Variants in SYN2 observed in about 807,000 individuals in gnomAD.
SYN2 encodes synapsin-2.
A neutral mutation model predicts 50.9 loss-of-function variants in SYN2; 19 were observed. The ratio of observed to expected loss-of-function variants is 0.37; its 90% CI spans 0.26 to 0.55. The LOEUF (loss-of-function observed/expected upper bound fraction) is 0.55. SYN2 is among the 20% of genes least tolerant of loss of function. The pLI, the probability that SYN2 is intolerant of heterozygous loss-of-function variation, is 0.81. For synonymous variants in SYN2, 255 were observed against 224.9 expected (o/e 1.13, Z -1.20); for missense variants, 587 against 576.4 (o/e 1.02, Z -0.19).
chr3:12,158,695 G>A, intron 5 of SYN2: 2 of 1,610,036 alleles, frequency 1.2e-6, no homozygotes, highest in Non-Finnish European at 1.7e-6. Flanking sequence ...GCGGACCTCG[G>A]ACTCACCAAG....
chr3:12,008,770 G>A (rs1559384133), intron 1 of SYN2, among the ~76,000 whole-genome samples: 1 of 152,200 alleles, frequency 6.6e-6, no homozygotes, highest in Non-Finnish European at 1.5e-5. Flanking sequence ...GAGTGGGAAT[G>A]GAAGGTTTCT....
intron 9 of SYN2, 93 bp from the exon 10 acceptor site, chr3:12,169,664 C>G: frequency 2.1e-6 from 3 of 1,440,306 alleles, no homozygotes; most frequent in Non-Finnish European, 1.9e-6. Flanking sequence ...CAGTCCATCT[C>G]TGCTGGCTTA....
At chr3:12,040,139 G>A (rs1400029278) in intron 1 of SYN2, among the ~76,000 whole-genome samples, 1 of 152,168 alleles carries the variant, frequency 6.6e-6, no homozygotes, top group Admixed American at 6.5e-5. Context: ...TGGATTTTCA[G>A]CACTTGTTGG....
At chr3:12,048,863 T>A (rs56114225) in intron 1 of SYN2, among the ~76,000 whole-genome samples, 13,779 of 152,228 alleles carry the variant, frequency 0.091, 2,050 homozygotes, top group African/African-American at 0.31. Context: ...ATAATCACTG[T>A]ACTGGAATTG....
At chr3:12,044,922 A>G (rs1034499627) in intron 1 of SYN2, among the ~76,000 whole-genome samples, 3 of 152,230 alleles carry the variant, frequency 2.0e-5, no homozygotes, top group African/African-American at 7.2e-5. Context: ...ATTACCTGAA[A>G]TAATAGGTAC....
chr3:12,169,961 C>T, intron 10 of SYN2, 55 bp downstream of exon 10: 10 of 1,534,156 alleles, frequency 6.5e-6, no homozygotes, highest in South Asian at 1.2e-5. Flanking sequence ...AAGCCCACTC[C>T]TCTAGATGTT....
Position 12,004,596 on chromosome 3 carries a change from C to A in SYN2, c.45C>A (p.Ile15=). 1 of 665,306 alleles carries A rather than the reference C, an allele frequency of 1.5e-6. No homozygotes were observed. The highest frequency in any genetic ancestry group is 2.8e-6 in the Non-Finnish European group (1 of 357,464). The allele number at this position is 665,306 out of a possible 1,614,324, so 41.2% of individuals were successfully genotyped here. The change falls in exon 1 of 13, where the codon ATC becomes ATA. Residue 15 remains isoleucine, a synonymous_variant. Coordinates refer to ENST00000621198, the MANE Select transcript of SYN2 (RefSeq NM_133625.6). The part of the protein sequence containing the change: ...LRRRLSDSSF[I]ANLPNGYMTD... Reference sequence around the variant, plus strand: ...GCCGGCTGTCGGACAGCAGCTTCATCGCCAACCTGCCCAACGGCTACATGA... The same window carrying A: ...GCCGGCTGTCGGACAGCAGCTTCATAGCCAACCTGCCCAACGGCTACATGA...
At chr3:12,036,015 C>T (rs1204023804) in intron 1 of SYN2, among the ~76,000 whole-genome samples, 1 of 152,184 alleles carries the variant, frequency 6.6e-6, no homozygotes, top group Non-Finnish European at 1.5e-5. Flanking sequence ...CTATTACTGC[C>T]TTCTTGTTTA....
rs1155381 is a variant in SYN2, at chr3:12,138,704, G to A, written c.378-1947G>A. On this transcript the variant is annotated intron_variant, in intron 1 of 12. Coordinates refer to ENST00000621198, the MANE Select transcript of SYN2 (RefSeq NM_133625.6). ...GCTTTGCAAATGCAAGGCATCATAC[G>A]AAATGCGAGGTTATTGTTAATGTCT... Among the ~76,000 whole-genome samples the A allele has an allele frequency of 2.1e-3, 318 of 152,350 alleles. 1 individual carries two copies. Among genetic ancestry groups the A allele is most frequent in the African/African-American group, 6.5e-3 (269 of 41,584 alleles).
Position 12,085,361 on chromosome 3 carries a change from A to ACGCACG in SYN2, c.378-55289_378-55288insGCACGC, listed in dbSNP as rs1464317241. On this transcript the variant is annotated intron_variant, in intron 1 of 12. Coordinates refer to ENST00000621198, the MANE Select transcript of SYN2 (RefSeq NM_133625.6). ...TATGATTGTTATGGAATACACACAC[A>ACGCACG]CACACACACACACACACACGCACGC... 6.0e-5 allele frequency among the ~76,000 whole-genome samples: 7 copies of ACGCACG among 116,050 alleles called. No homozygotes were observed. The East Asian group carries it at 1.0e-3, about 17-fold the overall frequency. 76.1% of individuals were successfully genotyped at this position (116,050 alleles called of 152,430 possible). A position where few individuals can be genotyped will look rare whatever the true frequency, so the allele number is the denominator to read the frequency against.
chr3:12,099,572 A>G (rs944022367), intron 1 of SYN2, among the ~76,000 whole-genome samples: 4 of 152,192 alleles, frequency 2.6e-5, no homozygotes, highest in Non-Finnish European at 5.9e-5. Flanking sequence ...ATTTATAGCT[A>G]TACTTGCCTA....
At chr3:12,066,070 T>C (rs1695211488) in intron 1 of SYN2, among the ~76,000 whole-genome samples, 1 of 152,114 alleles carries the variant, frequency 6.6e-6, no homozygotes, top group Non-Finnish European at 1.5e-5. Context: ...TAGATAGTGG[T>C]AAATATACTA....
At chr3:12,137,587 A>G (rs1350451616) in intron 1 of SYN2, among the ~76,000 whole-genome samples, 2 of 152,254 alleles carry the variant, frequency 1.3e-5, no homozygotes, top group Admixed American at 1.3e-4. Context: ...ATACATGTTT[A>G]CCAATAAAAT....
intron 4 of SYN2, among the ~76,000 whole-genome samples, chr3:12,150,763 T>G (rs193066300): frequency 1.3e-5 from 2 of 152,314 alleles, no homozygotes; most frequent in East Asian, 1.9e-4. Context: ...TCCATACTGC[T>G]TACTGGAAAA....
intron 1 of SYN2, among the ~76,000 whole-genome samples, chr3:12,057,834 G>C (rs1157450740): frequency 6.6e-6 from 1 of 152,126 alleles, no homozygotes; most frequent in Admixed American, 6.5e-5. Context: ...AGTAGAATTG[G>C]TTCTATAATT....
intron 1 of SYN2, among the ~76,000 whole-genome samples, chr3:12,137,180 C>T (rs756293864): frequency 6.7e-6 from 1 of 149,458 alleles, no homozygotes; most frequent in African/African-American, 2.5e-5. Flanking sequence ...CTCAGGCAGT[C>T]GAGGCTACAG....
intron 1 of SYN2, among the ~76,000 whole-genome samples, chr3:12,019,913 A>G (rs1360383668): frequency 1.3e-5 from 2 of 152,214 alleles, no homozygotes; most frequent in Non-Finnish European, 2.9e-5. Context: ...CTGTGCGGCT[A>G]AGCTCCTTTC....
intron 5 of SYN2, chr3:12,153,389 G>A: frequency 1.8e-6 from 2 of 1,133,076 alleles, no homozygotes; most frequent in Non-Finnish European, 1.3e-6. Flanking sequence ...TGGCCAGACT[G>A]TCCACTTGGC....
intron 2 of SYN2, among the ~76,000 whole-genome samples, chr3:12,141,463 A>C (rs1697016197): frequency 6.6e-6 from 1 of 152,230 alleles, no homozygotes; most frequent in Non-Finnish European, 1.5e-5. Flanking sequence ...TAACTTGCTT[A>C]ATGTTTTATG....
Sources: allele counts gnomAD v4.1 joint callset (sites outside exome capture counted in the v4.1 genomes callset), GRCh38; gene constraint gnomAD v4.1.1; transcripts MANE v1.5; gene names NCBI Gene and HGNC (gene_info 2026-07-23, HGNC 2026-07-21).